PTPN12: variants seen among roughly 807,000 people sequenced by gnomAD.
PTPN12 encodes tyrosine-protein phosphatase non-receptor type 12.
Under a neutral mutation model 97.6 loss-of-function variants are expected in PTPN12, and 29 were observed. The ratio of observed to expected loss-of-function variants is 0.30; its 90% confidence interval spans 0.22 to 0.41. PTPN12 has a LOEUF of 0.41. Ranked by LOEUF, PTPN12 falls within the 10% of genes least tolerant of loss-of-function variation. The pLI is 1.00. For missense variants in PTPN12, 819 were observed against 926.0 expected (o/e 0.88, Z 1.50); for synonymous variants, 327 against 300.4 (o/e 1.09, Z -0.91).
intron 3 of PTPN12, among the ~76,000 whole-genome samples, chr7:77,582,659 C>CTGTA (rs1787559982): frequency 6.6e-6 from 1 of 151,706 alleles, no homozygotes; most frequent in African/African-American, 2.4e-5. Flanking sequence ...TGGTGCATGC[C>CTGTA]TGTAATACCA....
At chr7:77,592,110 A>C (rs1787885982) in intron 5 of PTPN12, 75 bp from the exon 6 acceptor site, 1 of 1,295,166 alleles carries the variant, frequency 7.7e-7, no homozygotes. Context: ...GCAGAACCTC[A>C]GGACACAAAA....
At chr7:77,637,509 A>T (rs928044556) in intron 16 of PTPN12, among the ~76,000 whole-genome samples, 1 of 152,134 alleles carries the variant, frequency 6.6e-6, no homozygotes, top group East Asian at 1.9e-4. Context: ...TACTAATCTT[A>T]AACACTGGTA....
At chr7:77,593,366 A>C (rs1362430932) in intron 6 of PTPN12, among the ~76,000 whole-genome samples, 3 of 152,158 alleles carry the variant, frequency 2.0e-5, no homozygotes, top group Non-Finnish European at 4.4e-5. Flanking sequence ...GTCTGTGTGC[A>C]TGTGTATACA....
intron 13 of PTPN12, 128 bp from the exon 14 acceptor site, chr7:77,632,220 G>C (rs902085661): frequency 1.5e-6 from 1 of 686,250 alleles, no homozygotes; most frequent in Non-Finnish European, 2.6e-6. Flanking sequence ...AAGGTTTCTT[G>C]CATTTTTTTG....
intron 5 of PTPN12, among the ~76,000 whole-genome samples, chr7:77,590,317 C>T (rs989127670): frequency 2.0e-4 from 30 of 152,168 alleles, no homozygotes; most frequent in African/African-American, 7.2e-4. Flanking sequence ...CTATTCTTAA[C>T]TAAATTAATC....
intron 1 of PTPN12, among the ~76,000 whole-genome samples, chr7:77,567,167 A>T (rs1410919586): frequency 6.6e-6 from 1 of 151,208 alleles, no homozygotes; most frequent in Non-Finnish European, 1.5e-5. Context: ...TCTATTCAGG[A>T]ACTATTTAGA....
chr7:77,541,397 T>G (rs1806968421), intron 1 of PTPN12, among the ~76,000 whole-genome samples: 1 of 152,198 alleles, frequency 6.6e-6, no homozygotes, highest in African/African-American at 2.4e-5. Flanking sequence ...GCCTACTACT[T>G]GGTAACTATC....
At chr7:77,633,620 AAGT>A (rs890712689) in intron 14 of PTPN12, among the ~76,000 whole-genome samples, 3 of 151,788 alleles carry the variant, frequency 2.0e-5, no homozygotes, top group Non-Finnish European at 2.9e-5. Flanking sequence ...AAAAAAAAAA[AAGT>A]AGCACTTATT....
chr7:77,542,847 G>A (rs1807045577), intron 1 of PTPN12, among the ~76,000 whole-genome samples: 1 of 152,170 alleles, frequency 6.6e-6, no homozygotes, highest in Admixed American at 6.5e-5. Flanking sequence ...TAGAGCTCAA[G>A]ATTTCTGACA....
At chr7:77,578,501 T>C (rs1283960438) in intron 2 of PTPN12, among the ~76,000 whole-genome samples, 1 of 152,218 alleles carries the variant, frequency 6.6e-6, no homozygotes, top group Non-Finnish European at 1.5e-5. Flanking sequence ...ATATCTTCCT[T>C]ATATGTGTCT....
chr7:77,590,527 A>G (rs997074861), intron 5 of PTPN12, among the ~76,000 whole-genome samples: 2 of 151,048 alleles, frequency 1.3e-5, no homozygotes, highest in African/African-American at 4.9e-5. Flanking sequence ...CTTTGGCAAC[A>G]TGGCAAGACC....
chr7:77,611,527 C>G (rs909122106), intron 11 of PTPN12, among the ~76,000 whole-genome samples: 1 of 152,328 alleles, frequency 6.6e-6, no homozygotes, highest in East Asian at 1.9e-4. Context: ...TCACTGCAAC[C>G]TCTACCTCCC....
chr7:77,631,349 G>A (rs1239845991), intron 13 of PTPN12, among the ~76,000 whole-genome samples: 3 of 152,192 alleles, frequency 2.0e-5, no homozygotes, highest in East Asian at 1.9e-4. Flanking sequence ...CACCTCATGC[G>A]TGTTGAAAAT....
chr7:77,604,807 A>T lies in PTPN12; in HGVS notation c.696-2428A>T, dbSNP rs191511899. 1,373 of 368,580 alleles carry T rather than the reference A, an allele frequency of 3.7e-3. 16 individuals carry two copies. The highest frequency in any genetic ancestry group is 0.026 in the African/African-American group (1,216 of 47,194). 22.8% of individuals were successfully genotyped at this position (368,580 alleles called of 1,614,324 possible). A position where few individuals can be genotyped will look rare whatever the true frequency, so the allele number is the denominator to read the frequency against. On this transcript the variant is annotated intron_variant, in intron 8 of 17. Coordinates refer to ENST00000248594, the MANE Select transcript of PTPN12 (RefSeq NM_002835.4). ...ATGTTTATATCATATATATATATAT[A>T]TTTTTATCCACCTGGATTTTTTATG... is the stretch of plus-strand genomic sequence containing the variant.
At chr7:77,555,625 G>A (rs763220965) in intron 1 of PTPN12, among the ~76,000 whole-genome samples, 1 of 152,010 alleles carries the variant, frequency 6.6e-6, no homozygotes, top group Non-Finnish European at 1.5e-5. Flanking sequence ...AATCTCTAGC[G>A]TTTCTTAGGC....
intron 16 of PTPN12, 120 bp downstream of exon 16, chr7:77,637,168 C>A: frequency 2.6e-6 from 2 of 781,074 alleles, no homozygotes; most frequent in Non-Finnish European, 4.1e-6. Context: ...ATGTCTAGGA[C>A]AACTCTTGTA....
chr7:77,637,857 CAAAA>C (rs754983873), intron 16 of PTPN12, among the ~76,000 whole-genome samples: 25 of 55,620 alleles, frequency 4.5e-4, no homozygotes, highest in African/African-American at 1.8e-3. Flanking sequence ...AACTCCGTCT[CAAAA>C]AAAAAAAAAA....
intron 1 of PTPN12, among the ~76,000 whole-genome samples, chr7:77,563,615 C>T (rs1170843881): frequency 6.6e-6 from 1 of 152,092 alleles, no homozygotes; most frequent in African/African-American, 2.4e-5. Context: ...ATGAGCAAAG[C>T]ACAGAATCAT....
Position 77,564,759 on chromosome 7 carries a change from T to TG in PTPN12, c.100-6319_100-6318insG, listed in dbSNP as rs1562715172. Reference sequence around the variant, plus strand: ...TTTTGTTGTCGTGTTTTTTTTTTTTTTTTTTTTTTTTTTTTTTGAGACGGA... The same window carrying TG: ...TTTTGTTGTCGTGTTTTTTTTTTTTTGTTTTTTTTTTTTTTTTTGAGACGGA... On this transcript the variant is annotated intron_variant, in intron 1 of 17. Transcript: ENST00000248594. Among the ~76,000 whole-genome samples, 221 of 99,122 alleles carry TG rather than the reference T, an allele frequency of 2.2e-3. 6 individuals are homozygous for TG. Among genetic ancestry groups the TG allele is most frequent in the Middle Eastern group, 9.7e-3 (2 of 206 alleles). 65.0% of individuals were successfully genotyped at this position (99,122 alleles called of 152,430 possible).
Sources: gnomAD v4.1 joint callset for allele counts (sites outside exome capture counted in the v4.1 genomes callset) on GRCh38, gnomAD v4.1.1 for gene constraint, MANE v1.5 for transcripts, NCBI Gene and HGNC (gene_info 2026-07-23, HGNC 2026-07-21) for gene names.